The following ENOX1 variants were observed in gnomAD, a reference collection of about 807,000 sequenced individuals.
ENOX1 encodes the protein candidate growth-related and time keeping constitutive hydroquinone (NADH) oxidase.
Under a neutral mutation model 82.5 loss-of-function variants are expected in ENOX1, and 42 were observed. The ratio of observed to expected loss-of-function variants is 0.51; its 90% confidence interval spans 0.40 to 0.66. The LOEUF (loss-of-function observed/expected upper bound fraction) is 0.66, where lower values mean the gene tolerates loss of function less well. Among genes scored for constraint, ENOX1 ranks in the 30% least tolerant of loss-of-function variants. The pLI is 0.00. For missense variants in ENOX1, 608 were observed against 811.6 expected (o/e 0.75, Z 3.05); for synonymous variants, 271 against 282.2 (o/e 0.96, Z 0.40).
At chr13:43,528,945 C>T (rs1476151727) in intron 2 of ENOX1, among the ~76,000 whole-genome samples, 1 of 151,816 alleles carries the variant, frequency 6.6e-6, no homozygotes, top group Non-Finnish European at 1.5e-5. Flanking sequence ...TGATAATTGC[C>T]TTGTATTTTG....
intron 1 of ENOX1, among the ~76,000 whole-genome samples, chr13:43,695,091 C>G (rs749296450): frequency 1.3e-5 from 2 of 152,104 alleles, no homozygotes; most frequent in Non-Finnish European, 2.9e-5. Context: ...AGACTTAGTC[C>G]TGAGTGAGTG....
intron 2 of ENOX1, among the ~76,000 whole-genome samples, chr13:43,594,256 G>A (rs1048052248): frequency 2.3e-5 from 2 of 88,204 alleles, no homozygotes; most frequent in South Asian, 5.7e-4. Context: ...TCTACAAACC[G>A]AGGTCAAGTC....
intron 14 of ENOX1, among the ~76,000 whole-genome samples, chr13:43,238,477 TA>T (rs752567288): frequency 1.3e-5 from 2 of 152,178 alleles, no homozygotes; most frequent in Non-Finnish European, 2.9e-5. Context: ...ATCATCTTTC[TA>T]GGGTAGTGGG....
At chr13:43,739,088 AGATT>A (rs2089771353) in intron 1 of ENOX1, among the ~76,000 whole-genome samples, 1 of 152,198 alleles carries the variant, frequency 6.6e-6, no homozygotes, top group South Asian at 2.1e-4. Flanking sequence ...CTAGCTAATC[AGATT>A]AATTGACACC....
chr13:43,446,283 T>C (rs1209880149), intron 3 of ENOX1, among the ~76,000 whole-genome samples: 2 of 152,070 alleles, frequency 1.3e-5, no homozygotes, highest in East Asian at 3.9e-4. Context: ...CGTGGAATAT[T>C]TGTGGAGTGA....
At chr13:43,359,420 C>T (rs1234455884) in intron 7 of ENOX1, among the ~76,000 whole-genome samples, 1 of 152,212 alleles carries the variant, frequency 6.6e-6, no homozygotes, top group Non-Finnish European at 1.5e-5. Flanking sequence ...TCTCCTAGGG[C>T]CCCTAAGCTA....
At chr13:43,298,882 T>C (rs2046418751) in intron 11 of ENOX1, among the ~76,000 whole-genome samples, 1 of 152,162 alleles carries the variant, frequency 6.6e-6, no homozygotes, top group East Asian at 1.9e-4. Context: ...GCAACAATCA[T>C]ATCTACTAAA....
chr13:43,554,393 A>G (rs2079343028), intron 2 of ENOX1, among the ~76,000 whole-genome samples: 1 of 152,226 alleles, frequency 6.6e-6, no homozygotes, highest in African/African-American at 2.4e-5. Flanking sequence ...AAGTGATTTA[A>G]AAACATAGTT....
intron 2 of ENOX1, among the ~76,000 whole-genome samples, chr13:43,666,217 T>TA (rs1046947021): frequency 2.6e-5 from 4 of 152,038 alleles, no homozygotes; most frequent in African/African-American, 7.2e-5. Flanking sequence ...CTTCAATTTG[T>TA]AAAAAAACAT....
intron 14 of ENOX1, among the ~76,000 whole-genome samples, chr13:43,237,259 A>T (rs1186126646): frequency 2.6e-5 from 4 of 152,206 alleles, no homozygotes; most frequent in Admixed American, 6.5e-5. Flanking sequence ...AAGCTTGGTA[A>T]ATTCTTTTTT....
At chr13:43,589,216 GAAAA>G (rs58912569) in intron 2 of ENOX1, among the ~76,000 whole-genome samples, 11 of 79,766 alleles carry the variant, frequency 1.4e-4, no homozygotes, top group African/African-American at 4.2e-4. Flanking sequence ...GACATTAATG[GAAAA>G]AAAAAAAAAA....
intron 2 of ENOX1, among the ~76,000 whole-genome samples, chr13:43,597,039 GA>G (rs1438004379): frequency 6.6e-6 from 1 of 152,182 alleles, no homozygotes; most frequent in Non-Finnish European, 1.5e-5. Context: ...GAGACCTCAG[GA>G]AACTTACAAT....
chr13:43,642,636 C>T (rs557029927), intron 2 of ENOX1, among the ~76,000 whole-genome samples: 37 of 152,220 alleles, frequency 2.4e-4, no homozygotes, highest in Middle Eastern at 6.8e-3. Context: ...ACCAATTTGC[C>T]CCAATGTTCA....
intron 16 of ENOX1, among the ~76,000 whole-genome samples, chr13:43,215,284 CTT>C (rs1405650628): frequency 1.3e-5 from 2 of 152,118 alleles, no homozygotes; most frequent in Non-Finnish European, 2.9e-5. Flanking sequence ...TAATACAAAA[CTT>C]TAGTTAAATA....
chr13:43,572,940 A>T (rs989915127), intron 2 of ENOX1, among the ~76,000 whole-genome samples: 2 of 152,226 alleles, frequency 1.3e-5, no homozygotes, highest in Non-Finnish European at 2.9e-5. Flanking sequence ...CATACATATC[A>T]TTGAGTCACT....
Position 43,269,509 on chromosome 13 carries a change from C to G in ENOX1, c.1515G>C (p.Gln505His). 6.2e-7 allele frequency: 1 copy of G among 1,613,996 alleles called. No homozygotes were observed. Among genetic ancestry groups the G allele is most frequent in the Non-Finnish European group, 8.5e-7 (1 of 1,179,884 alleles). Residue 505 changes from glutamine (Q) to histidine (H), a missense_variant, in exon 13 of 17, where the codon CAG becomes CAC. Coordinates refer to ENST00000690772, the MANE Select transcript of ENOX1 (RefSeq NM_001347969.2). ...CTTTTAGTAACGCTTGTGTATGGGA[C>G]TGCTCTTCCTTTGCTTGTTCCAATT... ...KSELEQAKEE[Q>H]SHTQALLKVL...
chr13:43,730,556 A>G (rs2089281539), intron 1 of ENOX1, among the ~76,000 whole-genome samples: 1 of 152,110 alleles, frequency 6.6e-6, no homozygotes, highest in African/African-American at 2.4e-5. Context: ...GCTTTGTTCC[A>G]CCCTCAAAAC....
chr13:43,296,715 C>T (rs2046304465), intron 12 of ENOX1, among the ~76,000 whole-genome samples: 1 of 152,150 alleles, frequency 6.6e-6, no homozygotes, highest in Admixed American at 6.5e-5. Context: ...CTTCTGCAAC[C>T]CTGACTGAGC....
At position 43,455,117 on chromosome 13, in the gene ENOX1, G is replaced by A. The variant is rs147390928; in HGVS notation, c.-75+28892C>T. 5.6e-3 allele frequency among the ~76,000 whole-genome samples: 859 copies of A among 152,224 alleles called. 5 individuals carry two copies. The highest frequency in any genetic ancestry group is 0.019 in the African/African-American group (789 of 41,530). ...TTCTCTAGTAGCTTCCTGAGAAAAG[G>A]TACATGGGAGGTGAATTTGTTGAGA... is the stretch of plus-strand genomic sequence containing the variant. On this transcript the variant is annotated intron_variant, in intron 3 of 16. Transcript: ENST00000690772.
Sources: gnomAD v4.1 joint callset for allele counts (sites outside exome capture counted in the v4.1 genomes callset) on GRCh38, gnomAD v4.1.1 for gene constraint, MANE v1.5 for transcripts, NCBI Gene and HGNC (gene_info 2026-07-23, HGNC 2026-07-21) for gene names.